Variants in CBFA2T3 observed in about 807,000 individuals in gnomAD.
CBFA2T3 encodes transcriptional corepressor CBFA2T3.
CBFA2T3 carries 31 observed loss-of-function variants against 58.6 expected under a neutral mutation model. That is an observed-to-expected ratio of 0.53 (90% CI 0.40 to 0.71). The LOEUF is 0.71. Ranked by LOEUF, CBFA2T3 falls within the 30% of genes least tolerant of loss-of-function variation. CBFA2T3 has a pLI of 0.00. For synonymous variants in CBFA2T3, 531 were observed against 421.9 expected (o/e 1.26, Z -3.17); for missense variants, 1,076 against 963.1 (o/e 1.12, Z -1.55).
intron 1 of CBFA2T3, among the ~76,000 whole-genome samples, chr16:88,971,577 G>T (rs899360424): frequency 4.6e-5 from 7 of 152,216 alleles, no homozygotes; most frequent in Non-Finnish European, 7.3e-5. Flanking sequence ...CCGTCCTGGG[G>T]GTGGACTTGG....
intron 1 of CBFA2T3, among the ~76,000 whole-genome samples, chr16:88,927,834 C>T (rs893059031): frequency 6.6e-6 from 1 of 152,226 alleles, no homozygotes; most frequent in Non-Finnish European, 1.5e-5. Context: ...AGGTGGGATC[C>T]GGTCCCCTCC....
Position 88,976,991 on chromosome 16 carries a change from C to T in CBFA2T3, c.-184G>A. On this transcript the variant is annotated 5_prime_UTR_variant, in exon 1 of 12. Transcript: ENST00000268679. ...CGGCCACCAACTGGGTGTCCTCTGC[C>T]CTGGGGAGGGGGTGGGAGCCCTGGG... 1 of 625,564 alleles carries T rather than the reference C, an allele frequency of 1.6e-6. No homozygotes were observed. The highest frequency in any genetic ancestry group is 2.4e-5 in the South Asian group (1 of 41,336). 38.8% of individuals were successfully genotyped at this position (625,564 alleles called of 1,614,324 possible). A position where few individuals can be genotyped will look rare whatever the true frequency, so the allele number is the denominator to read the frequency against.
chr16:88,962,412 GGCT>G (rs1972387916), intron 1 of CBFA2T3, among the ~76,000 whole-genome samples: 1 of 152,270 alleles, frequency 6.6e-6, no homozygotes, highest in African/African-American at 2.4e-5. Flanking sequence ...GCACTTCCCA[GGCT>G]GCTGTGTCCA....
At chr16:88,932,675 C>T (rs1024859713) in intron 1 of CBFA2T3, among the ~76,000 whole-genome samples, 6 of 150,504 alleles carry the variant, frequency 4.0e-5, no homozygotes, top group South Asian at 4.2e-4. Flanking sequence ...AGGCAGGGCG[C>T]GGTGGTTCAC....
At position 88,953,276 on chromosome 16, in the gene CBFA2T3, C is replaced by T. The variant is rs949039116; in HGVS notation, c.151+23381G>A. Among the ~76,000 whole-genome samples, 1 of 152,232 alleles carries T rather than the reference C, an allele frequency of 6.6e-6. No individual in the cohort carries two copies. The highest frequency in any genetic ancestry group is 2.4e-5 in the African/African-American group (1 of 41,466). ...CTCATTTCTACGTTTGCATCCCTTTCTTCCAGGGCCTGCGGGGCTGACAGG... is the reference window on the plus strand; with the variant it reads ...CTCATTTCTACGTTTGCATCCCTTTTTTCCAGGGCCTGCGGGGCTGACAGG... On this transcript the variant is annotated intron_variant, in intron 1 of 11. Coordinates refer to ENST00000268679, the MANE Select transcript of CBFA2T3 (RefSeq NM_005187.6). The surrounding 1 kb of genome is among the most constrained non-coding windows in gnomAD (Gnocchi z 4.9).
chr16:88,923,729 G>A (rs751436134), intron 1 of CBFA2T3, among the ~76,000 whole-genome samples: 8 of 152,226 alleles, frequency 5.3e-5, no homozygotes, highest in Non-Finnish European at 4.4e-5. Context: ...GGAAGGCTCC[G>A]ACATGGAGGT....
intron 2 of CBFA2T3, among the ~76,000 whole-genome samples, chr16:88,901,106 G>A (rs552321612): frequency 4.2e-4 from 64 of 152,360 alleles, no homozygotes; most frequent in African/African-American, 1.5e-3. Context: ...GACCCCATCC[G>A]AGTTCCACGT....
chr16:88,903,594 G>A (rs2142651534), intron 1 of CBFA2T3, among the ~76,000 whole-genome samples: 1 of 150,796 alleles, frequency 6.6e-6, no homozygotes, highest in Admixed American at 6.6e-5. Flanking sequence ...CCGGTGGCCA[G>A]TCCCTGGTGA....
rs111229021 is a variant in CBFA2T3 at position 88,915,902 on chromosome 16, C to T, written c.152-14246G>A. On this transcript the variant is annotated intron_variant, in intron 1 of 11. Transcript: ENST00000268679. Reference sequence around the variant, plus strand: ...CCACCTTCCCCTCTCAGGAGCGTCACGGTGCCCTCTATCCATTAGGCATGT... The same window carrying T: ...CCACCTTCCCCTCTCAGGAGCGTCATGGTGCCCTCTATCCATTAGGCATGT... Among the ~76,000 whole-genome samples the T allele has an allele frequency of 7.4e-3, 1,132 of 152,156 alleles. 19 individuals carry two copies. The highest frequency in any genetic ancestry group is 0.026 in the African/African-American group (1,066 of 41,502).
chr16:88,882,497 G>C (rs1228919125), intron 8 of CBFA2T3, among the ~76,000 whole-genome samples, 179 bp downstream of exon 8: 1 of 150,142 alleles, frequency 6.7e-6, no homozygotes, highest in Non-Finnish European at 1.5e-5. Context: ...CTGCACGGGC[G>C]TGGCTGTGGC....
Position 88,930,242 on chromosome 16 carries a change from C to T in CBFA2T3, c.152-28586G>A, listed in dbSNP as rs545701701. 1.5e-4 allele frequency among the ~76,000 whole-genome samples: 22 copies of T among 150,292 alleles called. No individual in the cohort carries two copies. In the South Asian group the frequency reaches 2.9e-3, roughly 20 times the overall value. Reference sequence around the variant, plus strand: ...CCAATACCCACAGCTGCATCGTCCACGCAAAAGCTACCCATGCCCACAGCT... The same window carrying T: ...CCAATACCCACAGCTGCATCGTCCATGCAAAAGCTACCCATGCCCACAGCT... On this transcript the variant is annotated intron_variant, in intron 1 of 11. Coordinates refer to ENST00000268679, the MANE Select transcript of CBFA2T3 (RefSeq NM_005187.6).
At chr16:88,946,028 C>T (rs1390777472) in intron 1 of CBFA2T3, among the ~76,000 whole-genome samples, 1 of 152,176 alleles carries the variant, frequency 6.6e-6, no homozygotes, top group East Asian at 1.9e-4. Context: ...ACATTGATGG[C>T]CGGGCGTGGT....
chr16:88,895,584 C>A (rs1462632428), intron 3 of CBFA2T3, among the ~76,000 whole-genome samples: 1 of 152,078 alleles, frequency 6.6e-6, no homozygotes, highest in Admixed American at 6.5e-5. Context: ...AGGGGGGAGG[C>A]CGGCCCTGTG....
chr16:88,897,966 G>GCGGAGGC, intron 3 of CBFA2T3, 112 bp downstream of exon 3: 2 of 793,954 alleles, frequency 2.5e-6, no homozygotes, highest in Non-Finnish European at 4.4e-6. Context: ...TGCTGAGGGT[G>GCGGAGGC]CGGAGGCCGG....
intron 1 of CBFA2T3, among the ~76,000 whole-genome samples, chr16:88,974,177 G>C (rs1258669408): frequency 6.6e-6 from 1 of 152,194 alleles, no homozygotes; most frequent in Non-Finnish European, 1.5e-5. Flanking sequence ...AGGCAGTCAG[G>C]TCACCTTTCT....
At chr16:88,897,083 C>T (rs1038246507) in intron 3 of CBFA2T3, among the ~76,000 whole-genome samples, 1 of 152,232 alleles carries the variant, frequency 6.6e-6, no homozygotes, top group African/African-American at 2.4e-5. Context: ...GGGTCAGATG[C>T]GACAGAGGCA....
chr16:88,907,957 T>A (rs963266790), intron 1 of CBFA2T3, among the ~76,000 whole-genome samples: 2 of 152,200 alleles, frequency 1.3e-5, no homozygotes, highest in African/African-American at 4.8e-5. Flanking sequence ...TGGTCAGATG[T>A]CTAAAGGAAG....
intron 1 of CBFA2T3, chr16:88,951,307 G>C (rs1197340088): frequency 6.6e-6 from 3 of 454,570 alleles, no homozygotes; most frequent in Non-Finnish European, 1.3e-5. Flanking sequence ...ACAGAGGGTC[G>C]AGTGTTGGCA....
At chr16:88,880,850 C>A in intron 9 of CBFA2T3, 62 bp from the exon 10 acceptor site, 1 of 1,420,228 alleles carries the variant, frequency 7.0e-7, no homozygotes, top group East Asian at 2.5e-5. Context: ...ACGCTGGGGC[C>A]CTCCCCACCC....
Sources: allele counts gnomAD v4.1 joint callset (sites outside exome capture counted in the v4.1 genomes callset), GRCh38; gene constraint gnomAD v4.1.1; non-coding constraint Gnocchi (gnomAD v3.1); transcripts MANE v1.5; gene names NCBI Gene and HGNC (gene_info 2026-07-23, HGNC 2026-07-21).